PKHD1: variants seen among roughly 807,000 people sequenced by gnomAD.
PKHD1 encodes the protein PKHD1 ciliary IPT domain containing fibrocystin/polyductin, also known as fibrocystin.
PKHD1 carries 291 observed loss-of-function variants against 412.0 expected under a neutral mutation model. The observed-to-expected ratio is 0.71, with a 90% CI of 0.64 to 0.78. The LOEUF (loss-of-function observed/expected upper bound fraction) is 0.78, where lower values mean the gene tolerates loss of function less well. Among genes scored for constraint, PKHD1 ranks in the 30% least tolerant of loss-of-function variants. The pLI, the probability that PKHD1 is intolerant of heterozygous loss-of-function variation, is 0.00. For missense variants in PKHD1, 4,825 were observed against 4,950.7 expected, an observed-to-expected ratio of 0.97 and a Z score of 0.76; for synonymous variants, 1,777 against 1,821.5, an observed-to-expected ratio of 0.98 and a Z score of 0.62.
At position 51,753,080 on chromosome 6, in the gene PKHD1, A is replaced by C. The variant is rs1157154774; in HGVS notation, c.8950+121T>G. ...AAATTCATAGCTTCTCCAAGCACAA[A>C]GGAACTATCTCATTTGAACATTTTG... On this transcript the variant is annotated intron_variant, in intron 57 of 66. Transcript: ENST00000371117. 4.7e-6 allele frequency: 4 copies of C among 851,668 alleles called. No homozygotes were observed. In the African/African-American group the frequency reaches 5.1e-5, roughly 11 times the overall value. 52.8% of individuals were successfully genotyped at this position (851,668 alleles called of 1,614,324 possible).
At chr6:52,060,343 T>C (rs1170028754) in intron 14 of PKHD1, among the ~76,000 whole-genome samples, 1 of 152,238 alleles carries the variant, frequency 6.6e-6, no homozygotes, top group South Asian at 2.1e-4. Context: ...AACACAGCTA[T>C]TGCAAGCCCT....
chr6:51,705,012 T>C (rs1167393073), intron 60 of PKHD1, among the ~76,000 whole-genome samples: 1 of 152,038 alleles, frequency 6.6e-6, no homozygotes, highest in Non-Finnish European at 1.5e-5. Context: ...CAAACTCCTA[T>C]TTCAAAAGGA....
intron 36 of PKHD1, among the ~76,000 whole-genome samples, chr6:51,954,791 G>C (rs1017866907): frequency 2.0e-5 from 3 of 151,994 alleles, no homozygotes; most frequent in African/African-American, 7.2e-5. Context: ...TCAACACCAA[G>C]GAGAGAGTTC....
intron 53 of PKHD1, among the ~76,000 whole-genome samples, chr6:51,788,589 T>C (rs1256043449): frequency 6.6e-6 from 1 of 152,086 alleles, no homozygotes; most frequent in Non-Finnish European, 1.5e-5. Flanking sequence ...GCCATGCCTC[T>C]GGGATGGTCT....
In PKHD1 at chr6:51,848,214, G is replaced by C. The variant is rs927861; in HGVS notation, c.7912-244C>G. ...TATGAAGACTGAAAGATGCCATAAG[G>C]TTCATCTCGTTTAACAATCTCAATT... is the stretch of plus-strand genomic sequence containing the variant. On this transcript the variant is annotated intron_variant, in intron 49 of 66. Transcript: ENST00000371117. Among the ~76,000 whole-genome samples the C allele has an allele frequency of 0.5, 76,496 of 151,972 alleles. 20,884 individuals are homozygous for C. Among genetic ancestry groups the C allele is most frequent in the Middle Eastern group, 0.68 (200 of 294 alleles).
chr6:51,730,801 A>G (rs545751103), intron 60 of PKHD1, among the ~76,000 whole-genome samples: 22 of 152,256 alleles, frequency 1.4e-4, no homozygotes, highest in Non-Finnish European at 3.1e-4. Flanking sequence ...TTCCATTAAA[A>G]TGTGCATATA....
chr6:51,782,625 A>T (rs1056416010), intron 53 of PKHD1, among the ~76,000 whole-genome samples: 1 of 152,202 alleles, frequency 6.6e-6, no homozygotes, highest in Non-Finnish European at 1.5e-5. Context: ...AAACTGAACT[A>T]ACCATCTATT....
At chr6:51,621,324 T>C (rs1051601411) in intron 66 of PKHD1, among the ~76,000 whole-genome samples, 14 of 152,200 alleles carry the variant, frequency 9.2e-5, no homozygotes, top group African/African-American at 3.4e-4. Flanking sequence ...AGACATAGTT[T>C]ATCAGGATCA....
At chr6:52,069,575 T>C (rs1273039094) in intron 10 of PKHD1, 48 bp from the exon 11 acceptor site, 1 of 1,452,354 alleles carries the variant, frequency 6.9e-7, no homozygotes, top group South Asian at 1.1e-5. Context: ...TCAACTGGGA[T>C]TGCATTTTTT....
intron 49 of PKHD1, among the ~76,000 whole-genome samples, chr6:51,851,862 A>G (rs527560236): frequency 6.6e-6 from 1 of 152,120 alleles, no homozygotes; most frequent in African/African-American, 2.4e-5. Context: ...CAGCTCCTGG[A>G]TTCGTTGATT....
chr6:51,960,351 C>A (rs1194966819), intron 35 of PKHD1, among the ~76,000 whole-genome samples: 1 of 152,154 alleles, frequency 6.6e-6, no homozygotes, highest in Non-Finnish European at 1.5e-5. Context: ...TGTTTTCTTG[C>A]CTTTTTTTTC....
At chr6:52,010,510 C>A (rs1468741546) in intron 34 of PKHD1, 51 bp from the exon 35 acceptor site, 3 of 1,388,220 alleles carry the variant, frequency 2.2e-6, no homozygotes, top group Non-Finnish European at 3.1e-6. Flanking sequence ...TAATGAAATG[C>A]AATTATTTTT....
chr6:51,750,329 G>A (rs955204001), intron 57 of PKHD1, among the ~76,000 whole-genome samples: 1 of 152,190 alleles, frequency 6.6e-6, no homozygotes, highest in Non-Finnish European at 1.5e-5. Context: ...GAAAGAGCTG[G>A]CAAACCTGCT....
At chr6:51,952,456 C>G (rs1045512193) in intron 36 of PKHD1, among the ~76,000 whole-genome samples, 5 of 152,098 alleles carry the variant, frequency 3.3e-5, no homozygotes, top group African/African-American at 1.2e-4. Flanking sequence ...TAAAATGGTG[C>G]TGGCAACACA....
At chr6:51,641,775 A>G (rs1341998779) in intron 63 of PKHD1, among the ~76,000 whole-genome samples, 1 of 152,224 alleles carries the variant, frequency 6.6e-6, no homozygotes, top group Non-Finnish European at 1.5e-5. Context: ...CATCATTCTC[A>G]GCAAACTAAC....
At chr6:51,836,494 C>T (rs772212651) in intron 50 of PKHD1, 25 bp from the exon 51 acceptor site, 2 of 1,518,296 alleles carry the variant, frequency 1.3e-6, no homozygotes, top group South Asian at 2.2e-5. Context: ...CCACAACTTG[C>T]ATGTGATACA....
At chr6:52,037,191 T>C (rs1385397526) in intron 27 of PKHD1, among the ~76,000 whole-genome samples, 2 of 152,208 alleles carry the variant, frequency 1.3e-5, no homozygotes, top group Non-Finnish European at 2.9e-5. Flanking sequence ...AAAACTAAAT[T>C]TGAATTTCTA....
chr6:51,778,737 A>G (rs2151178922), intron 53 of PKHD1, among the ~76,000 whole-genome samples: 1 of 152,236 alleles, frequency 6.6e-6, no homozygotes, highest in African/African-American at 2.4e-5. Context: ...AAGGCATTTC[A>G]TTATTTTATT....
At chr6:51,889,148 G>C (rs1461756944) in intron 43 of PKHD1, among the ~76,000 whole-genome samples, 1 of 151,988 alleles carries the variant, frequency 6.6e-6, no homozygotes, top group African/African-American at 2.4e-5. Context: ...TGGCCTGGCT[G>C]GTGCGAGACA....
Sources: gnomAD v4.1 joint callset for allele counts (sites outside exome capture counted in the v4.1 genomes callset) on GRCh38, gnomAD v4.1.1 for gene constraint, MANE v1.5 for transcripts, NCBI Gene and HGNC (gene_info 2026-07-23, HGNC 2026-07-21) for gene names.